EPS15L1: variants seen among roughly 807,000 people sequenced by gnomAD.
EPS15L1 encodes the protein epidermal growth factor receptor pathway substrate 15 like 1, also known as epidermal growth factor receptor substrate 15-like 1.
EPS15L1 carries 43 observed loss-of-function variants against 117.1 expected under a neutral mutation model. That is an observed-to-expected ratio of 0.37 (90% CI 0.29 to 0.47). The LOEUF (loss-of-function observed/expected upper bound fraction) is 0.47. EPS15L1 is among the 20% of genes least tolerant of loss of function. The probability of loss-of-function intolerance (pLI) is 0.99; values close to 1 mark genes in which losing one functional copy is unlikely to be tolerated. For missense variants in EPS15L1, 981 were observed against 1,164.0 expected (o/e 0.84, Z 2.29); for synonymous variants, 459 against 470.5 (o/e 0.98, Z 0.32).
At chr19:16,418,976 T>G (rs889597206) in intron 10 of EPS15L1, among the ~76,000 whole-genome samples, 1 of 152,120 alleles carries the variant, frequency 6.6e-6, no homozygotes, top group African/African-American at 2.4e-5. Context: ...TCTAAAACAC[T>G]CCTCTTGTGC....
At chr19:16,450,631 C>A (rs1317992448) in intron 1 of EPS15L1, among the ~76,000 whole-genome samples, 1 of 151,798 alleles carries the variant, frequency 6.6e-6, no homozygotes, top group Non-Finnish European at 1.5e-5. Flanking sequence ...CAGATGCATG[C>A]CAACACACCT....
intron 6 of EPS15L1, 105 bp from the exon 7 acceptor site, chr19:16,434,595 T>A: frequency 8.0e-7 from 1 of 1,246,674 alleles, no homozygotes; most frequent in South Asian, 1.4e-5. Context: ...GGACCCATCA[T>A]CACCCTTGGC....
At chr19:16,364,360 C>G (rs2092103342) in intron 22 of EPS15L1, among the ~76,000 whole-genome samples, 1 of 152,210 alleles carries the variant, frequency 6.6e-6, no homozygotes, top group South Asian at 2.1e-4. Flanking sequence ...CTCCTTCCGA[C>G]AGCGCCTGCC....
chr19:16,459,934 T>G (rs1389277941), intron 1 of EPS15L1, among the ~76,000 whole-genome samples: 1 of 152,178 alleles, frequency 6.6e-6, no homozygotes, highest in Non-Finnish European at 1.5e-5. Context: ...ATGGTAGCCA[T>G]TTGCTCTCTC....
At chr19:16,445,250 C>T (rs2093071973) in intron 1 of EPS15L1, among the ~76,000 whole-genome samples, 1 of 152,188 alleles carries the variant, frequency 6.6e-6, no homozygotes. Context: ...AACCTCTGCC[C>T]ATCCATGCTA....
chr19:16,418,091 T>G lies in EPS15L1; in HGVS notation c.964A>C (p.Thr322Pro). 1 of 1,613,736 alleles carries G rather than the reference T, an allele frequency of 6.2e-7. No homozygotes were observed. Among genetic ancestry groups the G allele is most frequent in the Non-Finnish European group, 8.5e-7 (1 of 1,179,708 alleles). The change falls in exon 11 of 24, where the codon ACG (threonine) becomes CCG (proline). Residue 322 changes from threonine to proline, a missense_variant. Physicochemically the swap from Thr to Pro is conservative, Grantham distance 38. Coordinates refer to ENST00000455140, the MANE Select transcript of EPS15L1 (RefSeq NM_001258374.3). ...LLAHIWALAD[T>P]RQTGKLSKDQ... ...TTGCTTAACTTCCCCGTTTGCCTCG[T>G]ATCGGCCAGGGCCCTGGGAGAAACG...
At chr19:16,459,128 C>A (rs1283121070) in intron 1 of EPS15L1, among the ~76,000 whole-genome samples, 1 of 152,226 alleles carries the variant, frequency 6.6e-6, no homozygotes, top group Non-Finnish European at 1.5e-5. Context: ...AGGAAAAATA[C>A]AGCAGTATAA....
In EPS15L1 at chr19:16,441,451, G is replaced by A. The variant is rs376558645; in HGVS notation, c.165+441C>T. 1.6e-4 allele frequency: 26 copies of A among 165,730 alleles called. 1 individual carries two copies. The South Asian group carries it at 3.2e-3, about 20-fold the overall frequency. 10.3% of individuals were successfully genotyped at this position (165,730 alleles called of 1,614,324 possible). On this transcript the variant is annotated intron_variant, in intron 3 of 23. Coordinates refer to ENST00000455140, the MANE Select transcript of EPS15L1 (RefSeq NM_001258374.3). ...CACGCTACTGCACTCCAGCCTGGGCGACAGAGCGAGACTGTCTCAAAAAAA... is the reference window on the plus strand; with the variant it reads ...CACGCTACTGCACTCCAGCCTGGGCAACAGAGCGAGACTGTCTCAAAAAAA...
intron 1 of EPS15L1, among the ~76,000 whole-genome samples, chr19:16,458,244 CT>C (rs1225439098): frequency 6.6e-6 from 1 of 152,166 alleles, no homozygotes; most frequent in African/African-American, 2.4e-5. Flanking sequence ...GTGCACTGTT[CT>C]TTTTCTGGCC....
At chr19:16,373,250 T>C (rs2092249793) in intron 22 of EPS15L1, among the ~76,000 whole-genome samples, 1 of 152,070 alleles carries the variant, frequency 6.6e-6, no homozygotes, top group South Asian at 2.1e-4. Flanking sequence ...GCATTTCACC[T>C]TCCTCCTCAC....
chr19:16,441,332 C>A (rs1245668819), intron 3 of EPS15L1: 1 of 207,408 alleles, frequency 4.8e-6, no homozygotes, highest in Non-Finnish European at 1.0e-5. Flanking sequence ...ATTAGCCGGG[C>A]GTGGTGGCAG....
At position 16,457,702 on chromosome 19, in the gene EPS15L1, G is replaced by C. The variant is rs796936771; in HGVS notation, c.33+14211C>G. ...AAAACGCTGCTTAAGAGCAAAAGCA[G>C]ATGAAGCCTCTGAGCAGCCCTCCCA... On this transcript the variant is annotated intron_variant, in intron 1 of 23. Transcript: ENST00000455140. 3.3e-5 allele frequency among the ~76,000 whole-genome samples: 5 copies of C among 152,244 alleles called. No individual in the cohort carries two copies. The East Asian group carries it at 5.8e-4, about 18-fold the overall frequency.
At chr19:16,359,910 AAAC>A (rs1474528581) in intron 23 of EPS15L1, among the ~76,000 whole-genome samples, 1 of 151,656 alleles carries the variant, frequency 6.6e-6, no homozygotes, top group Non-Finnish European at 1.5e-5. Context: ...AAAAAACAGA[AAAC>A]AACAGGGCTG....
chr19:16,411,175 A>G (rs778233348), intron 13 of EPS15L1, among the ~76,000 whole-genome samples: 1 of 152,216 alleles, frequency 6.6e-6, no homozygotes, highest in Non-Finnish European at 1.5e-5. Flanking sequence ...ACAACAGCCA[A>G]AAAGTGGGAA....
intron 1 of EPS15L1, among the ~76,000 whole-genome samples, chr19:16,459,146 G>C (rs2145168737): frequency 6.6e-6 from 1 of 152,316 alleles, no homozygotes; most frequent in South Asian, 2.1e-4. Context: ...TAATCTTACG[G>C]GAGCACTGTC....
chr19:16,437,716 C>T, intron 5 of EPS15L1, 54 bp downstream of exon 5: 1 of 1,281,534 alleles, frequency 7.8e-7, no homozygotes, highest in Non-Finnish European at 1.1e-6. Flanking sequence ...CACATACACA[C>T]ACACACACAT....
chr19:16,394,803 C>T (rs567111694), intron 17 of EPS15L1, among the ~76,000 whole-genome samples: 1 of 152,240 alleles, frequency 6.6e-6, no homozygotes, highest in Non-Finnish European at 1.5e-5. Flanking sequence ...AACTGAAGTA[C>T]TGAAGGGTTC....
Position 16,392,326 on chromosome 19 carries a change from T to C in EPS15L1, c.2081A>G (p.Lys694Arg). 6.2e-7 allele frequency: 1 copy of C among 1,614,176 alleles called. No individual in the cohort carries two copies. The highest frequency in any genetic ancestry group is 1.1e-5 in the South Asian group (1 of 91,090). Reference protein sequence around the residue: ...NDPFTSDPFTKNPSLPSKLDP... With the variant: ...NDPFTSDPFTRNPSLPSKLDP... ...CACCTTCGAAGGTAAGGAAGGGTTT[T>C]TCGTGAATGGATCCGAGGTAAATGG... The change falls in exon 19 of 24, where the codon AAA becomes AGA. Residue 694 changes from lysine (K) to arginine (R), a missense_variant. Physicochemically the swap from Lys to Arg is conservative, Grantham distance 26. Transcript: ENST00000455140.
chr19:16,430,442 G>A (rs1262010426), intron 7 of EPS15L1, among the ~76,000 whole-genome samples: 1 of 152,184 alleles, frequency 6.6e-6, no homozygotes, highest in East Asian at 1.9e-4. Flanking sequence ...CAACCACCCT[G>A]AAGATCTGCT....
Sources: allele counts gnomAD v4.1 joint callset (sites outside exome capture counted in the v4.1 genomes callset), GRCh38; gene constraint gnomAD v4.1.1; transcripts MANE v1.5; gene names NCBI Gene and HGNC (gene_info 2026-07-23, HGNC 2026-07-21).